Variants in ACOX1 observed in about 807,000 individuals in gnomAD.
ACOX1 encodes acyl-CoA oxidase 1.
Under a neutral mutation model 75.5 loss-of-function variants are expected in ACOX1, and 41 were observed. The observed-to-expected ratio is 0.54, with a 90% CI of 0.42 to 0.70. The LOEUF (loss-of-function observed/expected upper bound fraction) is 0.70, where lower values mean the gene tolerates loss of function less well. Ranked by LOEUF, ACOX1 falls within the 30% of genes least tolerant of loss-of-function variation. The pLI, the probability that ACOX1 is intolerant of heterozygous loss-of-function variation, is 0.00. For synonymous variants in ACOX1, 303 were observed against 298.8 expected (o/e 1.01, Z -0.15); for missense variants, 630 against 837.5 (o/e 0.75, Z 3.06).
chr17:75,971,463 C>T (rs375468935), intron 2 of ACOX1, among the ~76,000 whole-genome samples: 1 of 151,402 alleles, frequency 6.6e-6, no homozygotes, highest in Non-Finnish European at 1.5e-5. Flanking sequence ...TAGGGCAGGC[C>T]GGGCGTGGTG....
rs1415325460 is a variant in ACOX1, at chr17:75,950,749, G to A, written c.1298+25C>T. 6.2e-7 allele frequency: 1 copy of A among 1,609,098 alleles called. No individual in the cohort carries two copies. The highest frequency in any genetic ancestry group is 8.5e-7 in the Non-Finnish European group (1 of 1,175,764). ...CTAGAACATTCTTATGAACAGATGG[G>A]AGGAATCGAGGATTTGACTCTCACC... On this transcript the variant is annotated intron_variant, in intron 9 of 13. Transcript: ENST00000293217. This position sits in a 1 kb window ranked among gnomAD's most constrained non-coding sequence, Gnocchi z 4.3.
At chr17:75,951,277 C>T in intron 8 of ACOX1, 138 bp downstream of exon 8, 1 of 1,038,980 alleles carries the variant, frequency 9.6e-7, no homozygotes, top group South Asian at 1.4e-5. Flanking sequence ...CATATCTGAT[C>T]TACTTTCAAC....
intron 2 of ACOX1, among the ~76,000 whole-genome samples, chr17:75,964,178 CAA>C (rs60919786): frequency 0.011 from 902 of 84,498 alleles, 4 homozygotes; most frequent in East Asian, 0.048. Flanking sequence ...GACTCCATCT[CAA>C]AAAAAAAAAA....
At chr17:75,970,434 C>T (rs573228357) in intron 2 of ACOX1, among the ~76,000 whole-genome samples, 1 of 152,282 alleles carries the variant, frequency 6.6e-6, no homozygotes, top group East Asian at 1.9e-4. Flanking sequence ...AGGTTCAGGC[C>T]TCTGCCTTTG....
At chr17:75,967,671 C>CAT (rs1555618949) in intron 2 of ACOX1, among the ~76,000 whole-genome samples, 2 of 90,856 alleles carry the variant, frequency 2.2e-5, no homozygotes, top group African/African-American at 7.7e-5. Flanking sequence ...CATATATATA[C>CAT]ATATATATAC....
intron 6 of ACOX1, among the ~76,000 whole-genome samples, chr17:75,954,676 A>G (rs1220446643): frequency 1.5e-5 from 2 of 137,660 alleles, no homozygotes; most frequent in Non-Finnish European, 3.1e-5. Context: ...GGTTCAAGCG[A>G]TTCTCCTGCC....
intron 2 of ACOX1, among the ~76,000 whole-genome samples, chr17:75,970,390 A>C (rs546315766): frequency 1.2e-4 from 18 of 152,102 alleles, no homozygotes; most frequent in Non-Finnish European, 2.4e-4. Flanking sequence ...TGTTCCTTTG[A>C]TCCCAGAACT....
rs1004395195 is a variant in ACOX1 at position 75,945,353 on chromosome 17, C to T, written c.*1395G>A. ...CTTAACACAATTATCAATTAGTTCT[C>T]CCAGTGGAACGATTAAGGCTTTTGT... On this transcript the variant is annotated 3_prime_UTR_variant, in exon 14 of 14. Coordinates refer to ENST00000293217, the MANE Select transcript of ACOX1 (RefSeq NM_004035.7). 6.6e-6 allele frequency: 1 copy of T among 152,090 alleles called. No individual in the cohort carries two copies. Among genetic ancestry groups the T allele is most frequent in the African/African-American group, 2.4e-5 (1 of 41,418 alleles). The allele number at this position is 152,090 out of a possible 1,614,324, so 9.4% of individuals were successfully genotyped here. A position where few individuals can be genotyped will look rare whatever the true frequency, so the allele number is the denominator to read the frequency against.
At chr17:75,947,081 G>A (rs1034169823) in intron 13 of ACOX1, among the ~76,000 whole-genome samples, 4 of 151,930 alleles carry the variant, frequency 2.6e-5, no homozygotes, top group Non-Finnish European at 5.9e-5. Context: ...TGTTGGCCAG[G>A]CTGGTCTAGA....
intron 3 of ACOX1, among the ~76,000 whole-genome samples, chr17:75,959,484 C>T (rs7213998): frequency 0.12 from 18,777 of 152,084 alleles, 1,594 homozygotes; most frequent in African/African-American, 0.25. Context: ...TTTTCTGAAA[C>T]GTCAGAGCAG....
At chr17:75,966,497 AAAT>A (rs889560820) in intron 2 of ACOX1, among the ~76,000 whole-genome samples, 5 of 149,482 alleles carry the variant, frequency 3.3e-5, no homozygotes, top group Non-Finnish European at 7.4e-5. Flanking sequence ...TAAAAAATAA[AAAT>A]AAAAATAGAG....
intron 2 of ACOX1, among the ~76,000 whole-genome samples, chr17:75,971,752 A>AT (rs2065997293): frequency 6.6e-6 from 1 of 151,946 alleles, no homozygotes; most frequent in South Asian, 2.1e-4. Flanking sequence ...AAAAAAAAAA[A>AT]AAAAAATTAG....
chr17:75,975,070 A>AAG (rs1555619952), intron 2 of ACOX1, among the ~76,000 whole-genome samples: 183 of 145,042 alleles, frequency 1.3e-3, no homozygotes, highest in African/African-American at 4.1e-3. Flanking sequence ...AAAAAAAAAA[A>AAG]AAAGAAAGAA....
In ACOX1 at chr17:75,941,928, A is replaced by G. The variant is rs938899521; in HGVS notation, c.*4820T>C. ...AAACACTCAAAACATATTTTGGTTC[A>G]GAATTCTAAAAAATCCCGAATTTTC... On this transcript the variant is annotated 3_prime_UTR_variant, in exon 14 of 14. Transcript: ENST00000293217. 7 of 152,242 alleles carry G rather than the reference A, an allele frequency of 4.6e-5. No homozygotes were observed. The highest frequency in any genetic ancestry group is 1.5e-5 in the Non-Finnish European group (1 of 68,050). The allele number at this position is 152,242 out of a possible 1,614,324, so 9.4% of individuals were successfully genotyped here.
At chr17:75,948,493 T>A in intron 12 of ACOX1, 36 bp from the exon 13 acceptor site, 3 of 1,520,766 alleles carry the variant, frequency 2.0e-6, no homozygotes, top group Non-Finnish European at 2.7e-6. Flanking sequence ...AAAACATATA[T>A]ATGTATATAG....
chr17:75,960,520 G>A lies in ACOX1; in HGVS notation c.270-145C>T. On this transcript the variant is annotated intron_variant, in intron 2 of 13. Coordinates refer to ENST00000293217, the MANE Select transcript of ACOX1 (RefSeq NM_004035.7). The surrounding 1 kb of genome is among the most constrained non-coding windows in gnomAD (Gnocchi z 4.4). ...GCACTTAATCATAGATGGGAGCACTGTCCCTTTCTGTATTACTTTATAGCT... is the reference window on the plus strand; with the variant it reads ...GCACTTAATCATAGATGGGAGCACTATCCCTTTCTGTATTACTTTATAGCT... 1 of 810,906 alleles carries A rather than the reference G, an allele frequency of 1.2e-6. No homozygotes were observed. Among genetic ancestry groups the A allele is most frequent in the Non-Finnish European group, 2.1e-6 (1 of 487,648 alleles). 50.2% of individuals were successfully genotyped at this position (810,906 alleles called of 1,614,324 possible). A position where few individuals can be genotyped will look rare whatever the true frequency, so the allele number is the denominator to read the frequency against.
intron 2 of ACOX1, among the ~76,000 whole-genome samples, chr17:75,976,521 T>C (rs1020194427): frequency 3.3e-5 from 5 of 152,170 alleles, no homozygotes; most frequent in Admixed American, 3.3e-4. Context: ...CATAATCTTC[T>C]AGGAGGAGTT....
At position 75,948,378 on chromosome 17, in the gene ACOX1, G is replaced by A; in HGVS notation, c.1808C>T (p.Ala603Val). The stretch of plus-strand genomic sequence containing the variant: ...ATCAAATGCATCAACCAAAGCAACA[G>A]CATCTGAGCGAATCAGAGTGAGTAA... ...KELLTLIRSD[A>V]VALVDAFDFQ... Residue 603 changes from alanine (A) to valine (V), a missense_variant, in exon 13 of 14, where the codon GCT becomes GTT. Coordinates refer to ENST00000293217, the MANE Select transcript of ACOX1 (RefSeq NM_004035.7). 6.2e-7 allele frequency: 1 copy of A among 1,614,114 alleles called. No individual in the cohort carries two copies. Among genetic ancestry groups the A allele is most frequent in the Non-Finnish European group, 8.5e-7 (1 of 1,180,020 alleles).
chr17:75,953,374 CA>C, intron 7 of ACOX1, 76 bp downstream of exon 7: 1 of 1,556,540 alleles, frequency 6.4e-7, no homozygotes, highest in Non-Finnish European at 8.8e-7. Flanking sequence ...TCTGTATTGA[CA>C]TTTGGGAATT....
Sources: gnomAD v4.1 joint callset for allele counts (sites outside exome capture counted in the v4.1 genomes callset) on GRCh38, gnomAD v4.1.1 for gene constraint, Gnocchi (gnomAD v3.1) non-coding constraint, MANE v1.5 for transcripts, NCBI Gene and HGNC (gene_info 2026-07-23, HGNC 2026-07-21) for gene names.